The following SORCS3 variants were observed in gnomAD, a reference collection of about 807,000 sequenced individuals.
SORCS3 encodes VPS10 domain-containing receptor SorCS3.
SORCS3 carries 57 observed loss-of-function variants against 146.3 expected under a neutral mutation model. That is an observed-to-expected ratio of 0.39 (90% CI 0.31 to 0.49). The LOEUF (loss-of-function observed/expected upper bound fraction) is 0.49. Ranked by LOEUF, SORCS3 falls within the 20% of genes least tolerant of loss-of-function variation. The pLI, the probability that SORCS3 is intolerant of heterozygous loss-of-function variation, is 0.92. For synonymous variants in SORCS3, 653 were observed against 618.5 expected (o/e 1.06, Z -0.83); for missense variants, 1,341 against 1,575.5 (o/e 0.85, Z 2.52).
intron 1 of SORCS3, among the ~76,000 whole-genome samples, chr10:104,750,322 G>A (rs900449413): frequency 1.3e-5 from 2 of 152,076 alleles, no homozygotes; most frequent in Non-Finnish European, 2.9e-5. Context: ...AATGGACCTC[G>A]GCAACATATC....
chr10:105,063,902 G>T (rs2055504592), intron 5 of SORCS3, among the ~76,000 whole-genome samples: 1 of 152,244 alleles, frequency 6.6e-6, no homozygotes, highest in East Asian at 1.9e-4. Context: ...TCAGCCAGTA[G>T]CCTATGCAGC....
rs752487151 is a variant in SORCS3 at position 105,208,347 on chromosome 10, GA to G, written c.2262-2774del. ...CAGAGTGAGACTCTGTCTCAGAGAG[GA>G]AAAAAAAAAAAAAAAGAGAAATAAG... On this transcript the variant is annotated intron_variant, in intron 16 of 26. Transcript: ENST00000369701. Among the ~76,000 whole-genome samples, 823 of 118,972 alleles carry G rather than the reference GA, an allele frequency of 6.9e-3. 7 individuals carry two copies. The highest frequency in any genetic ancestry group is 0.019 in the African/African-American group (608 of 32,444). The allele number at this position is 118,972 out of a possible 152,430, so 78.1% of individuals were successfully genotyped here.
chr10:104,804,048 T>C (rs578169293), intron 1 of SORCS3, among the ~76,000 whole-genome samples: 1 of 152,346 alleles, frequency 6.6e-6, no homozygotes, highest in South Asian at 2.1e-4. Context: ...TATATCATCC[T>C]TTGCCTCCTC....
chr10:104,972,495 C>T (rs1219433194), intron 3 of SORCS3, among the ~76,000 whole-genome samples: 1 of 152,036 alleles, frequency 6.6e-6, no homozygotes, highest in Non-Finnish European at 1.5e-5. Flanking sequence ...ATGCATAAAA[C>T]AATTCAGAAA....
At chr10:105,193,012 T>C (rs1206207897) in intron 14 of SORCS3, among the ~76,000 whole-genome samples, 1 of 152,146 alleles carries the variant, frequency 6.6e-6, no homozygotes, top group Non-Finnish European at 1.5e-5. Flanking sequence ...GAGATCCCCT[T>C]TGAAATCATT....
intron 2 of SORCS3, among the ~76,000 whole-genome samples, chr10:104,910,105 C>G (rs1589545875): frequency 6.6e-6 from 1 of 152,162 alleles, no homozygotes; most frequent in East Asian, 1.9e-4. Flanking sequence ...TAGTCCCAAG[C>G]ACCTCTACGA....
chr10:104,651,240 C>T (rs1366044484), intron 1 of SORCS3, among the ~76,000 whole-genome samples: 1 of 152,096 alleles, frequency 6.6e-6, no homozygotes, highest in Non-Finnish European at 1.5e-5. Flanking sequence ...AAAGATTTCT[C>T]AAAACTCTAA....
At chr10:104,646,440 T>C (rs964252694) in intron 1 of SORCS3, among the ~76,000 whole-genome samples, 3 of 152,190 alleles carry the variant, frequency 2.0e-5, no homozygotes, top group Non-Finnish European at 2.9e-5. Flanking sequence ...AATTGCTTTT[T>C]CTTTGGGCTG....
intron 2 of SORCS3, among the ~76,000 whole-genome samples, chr10:104,844,044 C>T (rs2018176610): frequency 6.6e-6 from 1 of 152,170 alleles, no homozygotes; most frequent in Non-Finnish European, 1.5e-5. Context: ...GGCAGCTTCT[C>T]TCCAGGAAAG....
intron 1 of SORCS3, among the ~76,000 whole-genome samples, chr10:104,810,820 A>C (rs2017731992): frequency 1.3e-5 from 2 of 152,226 alleles, no homozygotes; most frequent in South Asian, 4.1e-4. Context: ...TTTCCTAGCA[A>C]ATATTTGTTT....
chr10:104,879,514 T>G (rs924409459), intron 2 of SORCS3, among the ~76,000 whole-genome samples: 2 of 152,184 alleles, frequency 1.3e-5, no homozygotes, highest in Non-Finnish European at 2.9e-5. Flanking sequence ...CTATATATGC[T>G]AAGTCCCTTT....
At chr10:104,680,367 A>G (rs532947163) in intron 1 of SORCS3, among the ~76,000 whole-genome samples, 58 of 152,312 alleles carry the variant, frequency 3.8e-4, no homozygotes, top group African/African-American at 1.4e-3. Context: ...TCAGGACTTA[A>G]TACTTTATTA....
At chr10:104,856,316 C>CAT (rs1042158815) in intron 2 of SORCS3, among the ~76,000 whole-genome samples, 1 of 149,072 alleles carries the variant, frequency 6.7e-6, no homozygotes. Context: ...CAATTAGAGG[C>CAT]ATATATATAT....
intron 20 of SORCS3, among the ~76,000 whole-genome samples, chr10:105,242,449 TTTA>T (rs1417824315): frequency 1.6e-4 from 15 of 95,026 alleles, no homozygotes; most frequent in East Asian, 1.2e-3. Context: ...TTTATATATA[TTTA>T]TATATATTTA....
intron 1 of SORCS3, among the ~76,000 whole-genome samples, chr10:104,773,651 G>A (rs375747497): frequency 7.9e-5 from 12 of 152,292 alleles, no homozygotes; most frequent in African/African-American, 2.9e-4. Context: ...GTGTGTTGTT[G>A]GGAAAGTTAG....
At chr10:105,131,818 C>T (rs1453874255) in intron 7 of SORCS3, among the ~76,000 whole-genome samples, 1 of 151,974 alleles carries the variant, frequency 6.6e-6, no homozygotes, top group African/African-American at 2.4e-5. Context: ...TTTAAACAAC[C>T]AGATATCACG....
chr10:104,702,332 G>A (rs760621156), intron 1 of SORCS3, among the ~76,000 whole-genome samples: 10 of 152,148 alleles, frequency 6.6e-5, no homozygotes, highest in South Asian at 2.1e-4. Flanking sequence ...CGCCCAGGCT[G>A]CAGTTCAGTG....
intron 13 of SORCS3, among the ~76,000 whole-genome samples, chr10:105,176,984 C>G (rs557299935): frequency 6.7e-6 from 1 of 149,920 alleles, no homozygotes; most frequent in African/African-American, 2.4e-5. Flanking sequence ...TGTGTATACA[C>G]ACACACATAC....
At chr10:104,764,607 T>C (rs1485843640) in intron 1 of SORCS3, among the ~76,000 whole-genome samples, 1 of 152,206 alleles carries the variant, frequency 6.6e-6, no homozygotes, top group Non-Finnish European at 1.5e-5. Context: ...TTGTAAATCA[T>C]AAAGTATTCT....
Sources: gnomAD v4.1 joint callset for allele counts (sites outside exome capture counted in the v4.1 genomes callset) on GRCh38, gnomAD v4.1.1 for gene constraint, MANE v1.5 for transcripts, NCBI Gene and HGNC (gene_info 2026-07-23, HGNC 2026-07-21) for gene names.